The following CSMD1 variants were observed in gnomAD, a reference collection of about 807,000 sequenced individuals.
The protein encoded by CSMD1 is CUB and sushi domain-containing protein 1.
A neutral mutation model predicts 417.5 loss-of-function variants in CSMD1; 213 were observed. The ratio of observed to expected loss-of-function variants is 0.51; its 90% CI spans 0.46 to 0.57. The LOEUF (loss-of-function observed/expected upper bound fraction) is 0.57, where lower values mean the gene tolerates loss of function less well. CSMD1 is among the 20% of genes least tolerant of loss of function. The probability of loss-of-function intolerance (pLI) is 0.00; values close to 1 mark genes in which losing one functional copy is unlikely to be tolerated. For synonymous variants in CSMD1, 2,862 were observed against 1,736.8 expected (o/e 1.65, Z -16.11); for missense variants, 6,923 against 4,529.7 (o/e 1.53, Z -15.17).
At chr8:4,193,794 G>A (rs1377338625) in intron 3 of CSMD1, among the ~76,000 whole-genome samples, 1 of 152,054 alleles carries the variant, frequency 6.6e-6, no homozygotes. Flanking sequence ...TGACATCGAA[G>A]GATGCTATGG....
chr8:3,077,726 A>T (rs1813790669), intron 49 of CSMD1, among the ~76,000 whole-genome samples: 1 of 152,176 alleles, frequency 6.6e-6, no homozygotes, highest in Admixed American at 6.5e-5. Flanking sequence ...TTTCCCCCAG[A>T]GCTGCTCTTC....
chr8:4,753,276 G>A (rs1325696430), intron 1 of CSMD1, among the ~76,000 whole-genome samples: 1 of 151,394 alleles, frequency 6.6e-6, no homozygotes, highest in East Asian at 1.9e-4. Context: ...CCCTTATATT[G>A]TAGAGGATGA....
At chr8:3,670,886 A>G (rs1798981089) in intron 7 of CSMD1, among the ~76,000 whole-genome samples, 1 of 115,366 alleles carries the variant, frequency 8.7e-6, no homozygotes, top group African/African-American at 3.0e-5. Context: ...TATGGGATAT[A>G]TATGTATGTG....
intron 26 of CSMD1, among the ~76,000 whole-genome samples, chr8:3,272,149 G>A (rs1563210275): frequency 6.8e-6 from 1 of 146,810 alleles, no homozygotes; most frequent in Admixed American, 6.9e-5. Flanking sequence ...TTCTGCATAT[G>A]GTTAGCCAGT....
At chr8:3,239,337 C>G (rs1037428734) in intron 26 of CSMD1, among the ~76,000 whole-genome samples, 4 of 152,032 alleles carry the variant, frequency 2.6e-5, no homozygotes, top group Non-Finnish European at 1.5e-5. Flanking sequence ...GAAATTATGT[C>G]TGACAGAAGG....
intron 8 of CSMD1, among the ~76,000 whole-genome samples, chr8:3,590,475 C>T (rs966402643): frequency 5.3e-5 from 8 of 152,090 alleles, no homozygotes; most frequent in Non-Finnish European, 8.8e-5. Context: ...CAGTGGAGAG[C>T]GGAGGATTGC....
At chr8:4,347,969 C>T (rs1258521201) in intron 3 of CSMD1, among the ~76,000 whole-genome samples, 4 of 152,072 alleles carry the variant, frequency 2.6e-5, no homozygotes, top group East Asian at 1.9e-4. Context: ...AATTTATACA[C>T]GGGAAGCACT....
At chr8:3,277,417 C>A (rs1478733083) in intron 26 of CSMD1, among the ~76,000 whole-genome samples, 1 of 152,084 alleles carries the variant, frequency 6.6e-6, no homozygotes, top group Non-Finnish European at 1.5e-5. Flanking sequence ...AGCTCAGACC[C>A]CCAGCGGCGT....
At chr8:4,424,138 A>G (rs1402589739) in intron 2 of CSMD1, among the ~76,000 whole-genome samples, 1 of 152,056 alleles carries the variant, frequency 6.6e-6, no homozygotes, top group Non-Finnish European at 1.5e-5. Flanking sequence ...GGCTAGACAG[A>G]GTTTCTATGC....
intron 2 of CSMD1, among the ~76,000 whole-genome samples, chr8:4,561,802 G>C (rs1234659632): frequency 6.6e-6 from 1 of 152,202 alleles, no homozygotes; most frequent in African/African-American, 2.4e-5. Context: ...TGAGGCAGAG[G>C]TTATGAACAT....
At chr8:4,261,248 C>G (rs1026900113) in intron 3 of CSMD1, among the ~76,000 whole-genome samples, 2 of 152,078 alleles carry the variant, frequency 1.3e-5, no homozygotes, top group African/African-American at 4.8e-5. Context: ...GTAGTAGACT[C>G]AAAAAGAACG....
chr8:4,430,546 T>C (rs1797817950), intron 2 of CSMD1, among the ~76,000 whole-genome samples: 1 of 152,198 alleles, frequency 6.6e-6, no homozygotes, highest in African/African-American at 2.4e-5. Context: ...CACTACTCTC[T>C]AATAAAAGTT....
chr8:4,599,978 A>G (rs1800497773), intron 2 of CSMD1, among the ~76,000 whole-genome samples: 1 of 152,126 alleles, frequency 6.6e-6, no homozygotes, highest in South Asian at 2.1e-4. Context: ...ACCTCCATGG[A>G]GGTGTTCACT....
At chr8:3,386,787 A>G (rs550271208) in intron 18 of CSMD1, among the ~76,000 whole-genome samples, 1 of 152,314 alleles carries the variant, frequency 6.6e-6, no homozygotes, top group East Asian at 1.9e-4. Context: ...TTCCATAGAA[A>G]CAATGTTATA....
intron 10 of CSMD1, among the ~76,000 whole-genome samples, chr8:3,494,153 G>T (rs34363649): frequency 0.05 from 7,679 of 152,084 alleles, 206 homozygotes; most frequent in Middle Eastern, 0.071. Flanking sequence ...ATACTTCATG[G>T]AATTATCCAT....
intron 5 of CSMD1, among the ~76,000 whole-genome samples, chr8:3,883,035 G>A (rs2948647): frequency 0.22 from 33,371 of 152,044 alleles, 4,130 homozygotes; most frequent in African/African-American, 0.33. Context: ...CCAATAAAAC[G>A]CCTGAACATA....
chr8:4,828,822 A>T (rs1041311073), intron 1 of CSMD1, among the ~76,000 whole-genome samples: 1 of 152,138 alleles, frequency 6.6e-6, no homozygotes, highest in Non-Finnish European at 1.5e-5. Flanking sequence ...GTTGTGAAGA[A>T]CTGCAGATTG....
chr8:4,923,929 G>A (rs1016163437), intron 1 of CSMD1, among the ~76,000 whole-genome samples: 4 of 152,208 alleles, frequency 2.6e-5, no homozygotes, highest in African/African-American at 9.6e-5. Flanking sequence ...ATGGAGGAAA[G>A]AAAGTAGCTT....
intron 3 of CSMD1, among the ~76,000 whole-genome samples, chr8:4,118,045 G>C (rs1361140620): frequency 1.3e-5 from 2 of 151,744 alleles, no homozygotes; most frequent in East Asian, 3.9e-4. Context: ...TTAGTCATCA[G>C]GGAACAATGA....
Sources: gnomAD v4.1 joint callset for allele counts (sites outside exome capture counted in the v4.1 genomes callset) on GRCh38, gnomAD v4.1.1 for gene constraint, MANE v1.5 for transcripts, NCBI Gene and HGNC (gene_info 2026-07-23, HGNC 2026-07-21) for gene names.